The following SEMA3A variants were observed in gnomAD, a reference collection of about 807,000 sequenced individuals.
SEMA3A encodes the protein semaphorin-3A.
Under a neutral mutation model 97.9 loss-of-function variants are expected in SEMA3A, and 29 were observed. The observed-to-expected ratio is 0.30, with a 90% CI of 0.22 to 0.40. The LOEUF is 0.40. SEMA3A is among the 10% of genes least tolerant of loss of function. The probability of loss-of-function intolerance (pLI) is 1.00; values close to 1 mark genes in which losing one functional copy is unlikely to be tolerated. For missense variants in SEMA3A, 763 were observed against 951.3 expected, an observed-to-expected ratio of 0.80 and a Z score of 2.60; for synonymous variants, 321 against 323.7, an observed-to-expected ratio of 0.99 and a Z score of 0.09.
intron 1 of SEMA3A, among the ~76,000 whole-genome samples, chr7:84,191,623 C>T (rs1475239411): frequency 6.6e-6 from 1 of 151,764 alleles, no homozygotes; most frequent in Non-Finnish European, 1.5e-5. Context: ...AAGAAATAAA[C>T]ATTTATGCAT....
At chr7:84,149,421 C>T (rs920439100) in intron 1 of SEMA3A, among the ~76,000 whole-genome samples, 4 of 152,090 alleles carry the variant, frequency 2.6e-5, no homozygotes, top group African/African-American at 9.7e-5. Context: ...CTCATGATTC[C>T]CTTGAATGAA....
At chr7:84,193,444 C>CA (rs374407986) in intron 1 of SEMA3A, among the ~76,000 whole-genome samples, 5 of 152,132 alleles carry the variant, frequency 3.3e-5, no homozygotes, top group African/African-American at 1.2e-4. Context: ...TAGAGCTTCT[C>CA]ACTGCTCCAC....
At chr7:84,019,140 T>C (rs909218528) in intron 6 of SEMA3A, among the ~76,000 whole-genome samples, 4 of 151,960 alleles carry the variant, frequency 2.6e-5, no homozygotes, top group Non-Finnish European at 5.9e-5. Context: ...TAAGAAATAG[T>C]GAGAAAAATC....
Position 84,046,255 on chromosome 7 carries a change from A to G in SEMA3A, c.667+69T>C, listed in dbSNP as rs190604401. On this transcript the variant is annotated intron_variant, in intron 6 of 16. Coordinates refer to ENST00000265362, the MANE Select transcript of SEMA3A (RefSeq NM_006080.3). The stretch of plus-strand genomic sequence containing the variant: ...TTCAAGTCATATTGCATGTACTGTA[A>G]AAGAGTTCTCTAGTAACTTAATACA... 8 of 1,563,594 alleles carry G rather than the reference A, an allele frequency of 5.1e-6. No individual in the cohort carries two copies. The East Asian group carries it at 1.4e-4, about 26-fold the overall frequency.
chr7:84,197,829 T>A (rs1798270387), upstream of SEMA3A, among the ~76,000 whole-genome samples: 2 of 135,654 alleles, frequency 1.5e-5, no homozygotes, highest in African/African-American at 5.5e-5. Context: ...AACCTCGGCC[T>A]CCCGGGTTCA....
At chr7:84,006,933 C>CTTGT (rs1790691585) in intron 10 of SEMA3A, among the ~76,000 whole-genome samples, 2 of 151,846 alleles carry the variant, frequency 1.3e-5, no homozygotes, top group South Asian at 4.1e-4. Flanking sequence ...GGTTGTATTT[C>CTTGT]TTGTTTTGTA....
intron 1 of SEMA3A, among the ~76,000 whole-genome samples, chr7:84,401,283 G>T (rs113794415): frequency 4.6e-5 from 7 of 151,932 alleles, no homozygotes; most frequent in African/African-American, 1.7e-4. Flanking sequence ...AAAAATACCT[G>T]GGAATAAATT....
intron 2 of SEMA3A, among the ~76,000 whole-genome samples, chr7:84,321,663 T>G (rs1801646878): frequency 6.6e-6 from 1 of 151,534 alleles, no homozygotes; most frequent in Admixed American, 6.6e-5. Flanking sequence ...GATCATGGGG[T>G]CAGGAGATCG....
rs142555064 is a variant in SEMA3A at position 83,967,496 on chromosome 7, T to C, written c.1718-4149A>G. On this transcript the variant is annotated intron_variant, in intron 15 of 16. Transcript: ENST00000265362. ...TTTGCCGGGCATGGTGGCTCACGCCTGTAATCCCAGCACTTTGGAAGGCTG... is the reference window on the plus strand; with the variant it reads ...TTTGCCGGGCATGGTGGCTCACGCCCGTAATCCCAGCACTTTGGAAGGCTG... 6.8e-3 allele frequency among the ~76,000 whole-genome samples: 1,037 copies of C among 152,346 alleles called. 13 individuals carry two copies. The highest frequency in any genetic ancestry group is 0.024 in the African/African-American group (989 of 41,584).
intron 3 of SEMA3A, among the ~76,000 whole-genome samples, chr7:84,255,481 A>G (rs1799697696): frequency 1.3e-5 from 2 of 152,156 alleles, no homozygotes; most frequent in Admixed American, 1.3e-4. Flanking sequence ...GGAAATGGAC[A>G]GGAACACATC....
chr7:84,161,169 T>C (rs1325526137), intron 1 of SEMA3A, among the ~76,000 whole-genome samples: 1 of 151,814 alleles, frequency 6.6e-6, no homozygotes, highest in Non-Finnish European at 1.5e-5. Flanking sequence ...ATGGAGACCA[T>C]CCTGGCTAAC....
chr7:84,233,145 TTTC>T (rs1799153158), intron 3 of SEMA3A, among the ~76,000 whole-genome samples: 1 of 152,018 alleles, frequency 6.6e-6, no homozygotes, highest in South Asian at 2.1e-4. Flanking sequence ...CATGCAATAT[TTTC>T]TTCATTTTAA....
Position 84,331,652 on chromosome 7 carries a change from A to G in SEMA3A, c.-168-24360T>C, listed in dbSNP as rs117823860. Among the ~76,000 whole-genome samples, 1,058 of 152,228 alleles carry G rather than the reference A, an allele frequency of 7.0e-3. 17 individuals are homozygous for G. The highest frequency in any genetic ancestry group is 0.04 in the Admixed American group (617 of 15,248). On this transcript the variant is annotated intron_variant, in intron 2 of 3. Coordinates refer to the SEMA3A transcript ENST00000424555. ...TGGAAAGCCATAAAGAAAAAGAAGG[A>G]AACCAGCCAAGACTAAAGTTTCACA...
intron 3 of SEMA3A, among the ~76,000 whole-genome samples, chr7:84,222,955 G>T (rs1798912895): frequency 6.6e-6 from 1 of 151,806 alleles, no homozygotes; most frequent in Non-Finnish European, 1.5e-5. Flanking sequence ...TTCTACACCA[G>T]AAACAGATTA....
chr7:84,132,515 T>A (rs1228544701), intron 2 of SEMA3A, among the ~76,000 whole-genome samples: 1 of 152,134 alleles, frequency 6.6e-6, no homozygotes, highest in South Asian at 2.1e-4. Flanking sequence ...TATATAATCT[T>A]AGGTATTCTA....
intron 4 of SEMA3A, among the ~76,000 whole-genome samples, chr7:84,105,197 A>C (rs1229235211): frequency 6.6e-6 from 1 of 152,224 alleles, no homozygotes; most frequent in African/African-American, 2.4e-5. Flanking sequence ...TTCCGTACCA[A>C]TTCGTAGAAA....
rs562690693 is a variant in SEMA3A at position 84,247,007 on chromosome 7, C to T, written c.-82-52339G>A. 4.6e-5 allele frequency among the ~76,000 whole-genome samples: 7 copies of T among 151,898 alleles called. No homozygotes were observed. The South Asian group carries it at 1.5e-3, about 32-fold the overall frequency. On this transcript the variant is annotated intron_variant, in intron 3 of 3. Coordinates refer to the SEMA3A transcript ENST00000424555. ...TATGGTTTTTAAGTGTCATTAATGC[C>T]ATCAAAAATGTTTTTAGTGGTGAAA...
At chr7:83,964,109 T>G (rs1788580281) in intron 15 of SEMA3A, among the ~76,000 whole-genome samples, 1 of 152,174 alleles carries the variant, frequency 6.6e-6, no homozygotes, top group Non-Finnish European at 1.5e-5. Context: ...TGTTTCCTGA[T>G]TAAGTTTCTA....
chr7:84,049,796 G>A (rs1219394093), intron 5 of SEMA3A, among the ~76,000 whole-genome samples: 2 of 149,978 alleles, frequency 1.3e-5, no homozygotes, highest in South Asian at 2.1e-4. Flanking sequence ...CATGTGCCAT[G>A]CTGGTGTGCT....
Sources: allele counts gnomAD v4.1 joint callset (sites outside exome capture counted in the v4.1 genomes callset), GRCh38; gene constraint gnomAD v4.1.1; transcripts MANE v1.5; gene names NCBI Gene and HGNC (gene_info 2026-07-23, HGNC 2026-07-21).